The following PCDHGB6 variants were observed in gnomAD, a reference collection of about 807,000 sequenced individuals.
PCDHGB6 encodes protocadherin gamma subfamily B, 6.
Under a neutral mutation model 59.1 loss-of-function variants are expected in PCDHGB6, and 51 were observed. The ratio of observed to expected loss-of-function variants is 0.86; its 90% CI spans 0.69 to 1.09. PCDHGB6 has a LOEUF of 1.09. Ranked by LOEUF, PCDHGB6 falls within the 50% of genes least tolerant of loss-of-function variation. PCDHGB6 has a pLI of 0.00. For synonymous variants in PCDHGB6, 466 were observed against 495.1 expected (o/e 0.94, Z 0.78); for missense variants, 1,148 against 1,205.1 (o/e 0.95, Z 0.70).
chr5:141,414,644 A>C lies in PCDHGB6; in HGVS notation c.2418+4024A>C, dbSNP rs1310121141. 6.2e-7 allele frequency: 1 copy of C among 1,613,982 alleles called. No individual in the cohort carries two copies. Among genetic ancestry groups the C allele is most frequent in the Non-Finnish European group, 8.5e-7 (1 of 1,179,894 alleles). ...GACCCGGACAGCAAAGAGAATGCCC[A>C]GATTATTTACTCCCTGGCTGAAGAC... On this transcript the variant is annotated intron_variant, in intron 1 of 3. Transcript: ENST00000520790.
Position 141,431,264 on chromosome 5 carries a change from A to T in PCDHGB6, c.2418+20644A>T. The T allele has an allele frequency of 6.2e-7, 1 of 1,614,170 alleles. No individual in the cohort carries two copies. On this transcript the variant is annotated intron_variant, in intron 1 of 3. Coordinates refer to ENST00000520790, the MANE Select transcript of PCDHGB6 (RefSeq NM_018926.3). This position sits in a 1 kb window ranked among gnomAD's most constrained non-coding sequence, Gnocchi z 4.8. ...GGATATCGGGAAGAACTCTCTGCAG[A>T]GCTACGAGCTCAGCCCGAACACTCA...
chr5:141,465,030 C>T (rs922114985), intron 1 of PCDHGB6, among the ~76,000 whole-genome samples: 2 of 152,086 alleles, frequency 1.3e-5, no homozygotes, highest in Non-Finnish European at 1.5e-5. Context: ...CCATGAACCA[C>T]CACAAATGAC....
chr5:141,428,065 C>T lies in PCDHGB6; in HGVS notation c.2418+17445C>T, dbSNP rs1028782772. 6 of 1,609,086 alleles carry T rather than the reference C, an allele frequency of 3.7e-6. No individual in the cohort carries two copies. The African/African-American group carries it at 6.7e-5, about 18-fold the overall frequency. ...GTGACCAAGGTGGTGGCGGTGGACGCAGATTCGGGACACAACGCTTGGCTG... is the reference window on the plus strand; with the variant it reads ...GTGACCAAGGTGGTGGCGGTGGACGTAGATTCGGGACACAACGCTTGGCTG... On this transcript the variant is annotated intron_variant, in intron 1 of 3. Coordinates refer to ENST00000520790, the MANE Select transcript of PCDHGB6 (RefSeq NM_018926.3).
intron 1 of PCDHGB6, chr5:141,419,435 C>CGCACCT (rs2096383167): frequency 6.2e-7 from 1 of 1,613,108 alleles, no homozygotes; most frequent in Admixed American, 1.7e-5. Context: ...CGAGCAGCTG[C>CGCACCT]GCACCTTCGA....
At chr5:141,467,704 C>T (rs2099149502) in intron 1 of PCDHGB6, among the ~76,000 whole-genome samples, 2 of 152,174 alleles carry the variant, frequency 1.3e-5, no homozygotes. Flanking sequence ...CTCTGTTGCC[C>T]AGGCTGGAGT....
chr5:141,422,088 CA>C (rs1235447839), intron 1 of PCDHGB6: 2 of 1,611,912 alleles, frequency 1.2e-6, no homozygotes, highest in Non-Finnish European at 1.7e-6. Flanking sequence ...ACATGGAAAG[CA>C]AGGCTTCTGA....
chr5:141,422,780 T>C, intron 1 of PCDHGB6: 2 of 1,614,140 alleles, frequency 1.2e-6, no homozygotes, highest in Non-Finnish European at 1.7e-6. Context: ...CTCTATGCCC[T>C]ACAATCCTTC....
At chr5:141,460,047 C>T (rs2098981053) in intron 1 of PCDHGB6, among the ~76,000 whole-genome samples, 1 of 152,102 alleles carries the variant, frequency 6.6e-6, no homozygotes. Context: ...CACTGCACTC[C>T]AGCCTGGGCA....
intron 1 of PCDHGB6, chr5:141,417,732 C>G (rs2096153715): frequency 4.3e-6 from 6 of 1,390,462 alleles, no homozygotes; most frequent in Non-Finnish European, 3.8e-6. Flanking sequence ...AGACCTTGCC[C>G]AGCACACCAG....
intron 2 of PCDHGB6, among the ~76,000 whole-genome samples, chr5:141,497,293 C>T (rs1270907262): frequency 6.6e-6 from 1 of 152,136 alleles, no homozygotes. Flanking sequence ...TACCTACCAC[C>T]ACCCCAGGCC....
intron 1 of PCDHGB6, among the ~76,000 whole-genome samples, chr5:141,453,974 T>C (rs1386640440): frequency 6.6e-6 from 1 of 152,242 alleles, no homozygotes; most frequent in Non-Finnish European, 1.5e-5. Flanking sequence ...CATGTAGTTG[T>C]GTTGCCTTCC....
chr5:141,472,980 C>CAAAAAAAAA (rs60579131), intron 1 of PCDHGB6, among the ~76,000 whole-genome samples: 30 of 86,054 alleles, frequency 3.5e-4, no homozygotes, highest in African/African-American at 5.0e-4. Context: ...GAGTGAAACT[C>CAAAAAAAAA]AAAAAAAAAA....
At chr5:141,484,880 T>G (rs1258072805) in intron 1 of PCDHGB6, 3 of 336,846 alleles carry the variant, frequency 8.9e-6, no homozygotes, top group Admixed American at 9.2e-5. Flanking sequence ...GAGGATAGGG[T>G]GGGCTTTTTC....
At chr5:141,454,875 T>G (rs2098805612) in intron 1 of PCDHGB6, among the ~76,000 whole-genome samples, 1 of 144,402 alleles carries the variant, frequency 6.9e-6, no homozygotes, top group African/African-American at 2.6e-5. Context: ...TGGCACGATC[T>G]TGGCTCACTG....
chr5:141,437,719 TA>T (rs1316054877), intron 1 of PCDHGB6, among the ~76,000 whole-genome samples: 1 of 151,332 alleles, frequency 6.6e-6, no homozygotes, highest in African/African-American at 2.4e-5. Context: ...AGTTACCCTC[TA>T]ATGTTACACT....
chr5:141,456,157 A>G (rs1307977690), intron 1 of PCDHGB6, among the ~76,000 whole-genome samples: 3 of 152,052 alleles, frequency 2.0e-5, no homozygotes, highest in Admixed American at 1.3e-4. Context: ...TCGGCCTCCT[A>G]AAGTGCTGGG....
chr5:141,475,553 T>A (rs1159585016), intron 1 of PCDHGB6, among the ~76,000 whole-genome samples: 2 of 152,260 alleles, frequency 1.3e-5, no homozygotes, highest in Non-Finnish European at 2.9e-5. Flanking sequence ...GTCCGGCTAA[T>A]TGTCTGTCTT....
At chr5:141,449,450 T>C (rs1269861041) in intron 1 of PCDHGB6, among the ~76,000 whole-genome samples, 2 of 151,216 alleles carry the variant, frequency 1.3e-5, no homozygotes, top group Non-Finnish European at 2.9e-5. Context: ...CTACTAAAAA[T>C]ACAAAAATTA....
In PCDHGB6 at chr5:141,476,516, G is replaced by T. The variant is rs1042414523; in HGVS notation, c.2419-18291G>T. 1 of 1,614,016 alleles carries T rather than the reference G, an allele frequency of 6.2e-7. No individual in the cohort carries two copies. The highest frequency in any genetic ancestry group is 8.5e-7 in the Non-Finnish European group (1 of 1,180,022). ...CCAGGACATCAACGACAACAATCCT[G>T]CTTTCCCTACCCAGGAAATGAAATT... On this transcript the variant is annotated intron_variant, in intron 1 of 3. Transcript: ENST00000520790. The surrounding 1 kb of genome is among the most constrained non-coding windows in gnomAD (Gnocchi z 7.6).
Sources: allele counts gnomAD v4.1 joint callset (sites outside exome capture counted in the v4.1 genomes callset), GRCh38; gene constraint gnomAD v4.1.1; non-coding constraint Gnocchi (gnomAD v3.1); transcripts MANE v1.5; gene names NCBI Gene and HGNC (gene_info 2026-07-23, HGNC 2026-07-21).